SIPA1L1: variants seen among roughly 807,000 people sequenced by gnomAD.
SIPA1L1 encodes the protein signal induced proliferation associated 1 like 1, also known as signal-induced proliferation-associated 1-like protein 1.
SIPA1L1 carries 26 observed loss-of-function variants against 162.7 expected under a neutral mutation model. The ratio of observed to expected loss-of-function variants is 0.16; its 90% CI spans 0.12 to 0.22. SIPA1L1 has a LOEUF of 0.22. SIPA1L1 is among the 10% of genes least tolerant of loss of function. The probability of loss-of-function intolerance (pLI) is 1.00; values close to 1 mark genes in which losing one functional copy is unlikely to be tolerated. For missense variants in SIPA1L1, 1,874 were observed against 2,241.0 expected (o/e 0.84, Z 3.31); for synonymous variants, 829 against 837.4 (o/e 0.99, Z 0.17).
chr14:71,548,189 A>T (rs2055423874), intron 4 of SIPA1L1, among the ~76,000 whole-genome samples: 1 of 152,236 alleles, frequency 6.6e-6, no homozygotes, highest in African/African-American at 2.4e-5. Flanking sequence ...AAATTGAATT[A>T]TGTATTTCTT....
At chr14:71,457,994 C>CT (rs2046314377) in intron 2 of SIPA1L1, among the ~76,000 whole-genome samples, 1 of 152,092 alleles carries the variant, frequency 6.6e-6, no homozygotes, top group Admixed American at 6.6e-5. Context: ...CAGTTTGTGG[C>CT]TTGCCTATTG....
chr14:71,591,326 T>G (rs1247016284), intron 5 of SIPA1L1, among the ~76,000 whole-genome samples: 1 of 151,866 alleles, frequency 6.6e-6, no homozygotes, highest in African/African-American at 2.4e-5. Flanking sequence ...GTGATAAGAC[T>G]CTCATGGAGC....
chr14:71,426,296 C>T (rs1483862817), intron 2 of SIPA1L1, among the ~76,000 whole-genome samples: 1 of 151,838 alleles, frequency 6.6e-6, no homozygotes, highest in African/African-American at 2.4e-5. Flanking sequence ...TTTCTACATG[C>T]CTTGTAGCTT....
At chr14:71,363,248 A>G (rs1337949745) in intron 2 of SIPA1L1, among the ~76,000 whole-genome samples, 1 of 152,218 alleles carries the variant, frequency 6.6e-6, no homozygotes, top group Non-Finnish European at 1.5e-5. Flanking sequence ...CCAAAGTACT[A>G]TAATAGTTCT....
At chr14:71,401,045 G>T (rs2041632541) in intron 2 of SIPA1L1, 1 of 152,206 alleles carries the variant, frequency 6.6e-6, no homozygotes, top group Non-Finnish European at 1.5e-5. Context: ...TAGTGAGCAT[G>T]ATATGGGGTC....
intron 4 of SIPA1L1, among the ~76,000 whole-genome samples, chr14:71,547,455 G>A (rs533217438): frequency 3.0e-4 from 46 of 151,590 alleles, no homozygotes; most frequent in African/African-American, 9.0e-4. Flanking sequence ...CACTACACCC[G>A]GCTAATTTTT....
At chr14:71,379,655 C>CT (rs1420974914) in intron 2 of SIPA1L1, 10 of 152,346 alleles carry the variant, frequency 6.6e-5, no homozygotes, top group African/African-American at 2.4e-4. Context: ...ATATAAAACA[C>CT]TAATTCAGTG....
chr14:71,519,957 A>G (rs1408225829), intron 3 of SIPA1L1, among the ~76,000 whole-genome samples: 2 of 152,062 alleles, frequency 1.3e-5, no homozygotes, highest in African/African-American at 2.4e-5. Flanking sequence ...TGAATAAATG[A>G]TTAGCTGGTT....
intron 2 of SIPA1L1, among the ~76,000 whole-genome samples, chr14:71,434,778 C>T (rs1488943555): frequency 6.6e-6 from 1 of 152,092 alleles, no homozygotes; most frequent in East Asian, 1.9e-4. Flanking sequence ...AGAGTCTCTC[C>T]CTATGTTGTC....
chr14:71,687,190 C>T (rs1214909903), intron 13 of SIPA1L1, among the ~76,000 whole-genome samples: 2 of 152,200 alleles, frequency 1.3e-5, no homozygotes, highest in Non-Finnish European at 2.9e-5. Context: ...TCCTGGAGAT[C>T]TGTTTACAGA....
At chr14:71,618,476 G>A (rs985955502) in intron 5 of SIPA1L1, among the ~76,000 whole-genome samples, 1 of 152,186 alleles carries the variant, frequency 6.6e-6, no homozygotes, top group African/African-American at 2.4e-5. Context: ...GTGGGAGATA[G>A]GGAGAAAATA....
At chr14:71,399,851 GCTGGTATTACAGGTGTATAC>G (rs1309688113) in intron 2 of SIPA1L1, among the ~76,000 whole-genome samples, 1 of 152,064 alleles carries the variant, frequency 6.6e-6, no homozygotes, top group Non-Finnish European at 1.5e-5. Context: ...CTCCCGAGTA[GCTGGTATTACAGGTGTATAC>G]CATGACACCT....
intron 7 of SIPA1L1, among the ~76,000 whole-genome samples, chr14:71,628,370 A>G (rs1421351005): frequency 6.6e-6 from 1 of 152,244 alleles, no homozygotes; most frequent in African/African-American, 2.4e-5. Flanking sequence ...AGTGCTGAGC[A>G]TGTGATAAAA....
chr14:71,391,797 A>G (rs4902931), intron 2 of SIPA1L1, among the ~76,000 whole-genome samples: 133,721 of 152,190 alleles, frequency 0.88, 59,147 homozygotes, highest in African/African-American at 0.94. Flanking sequence ...GAATTCAAGT[A>G]ATGCCAGGTT....
At chr14:71,649,189 ATTTTTTT>A (rs576399247) in intron 7 of SIPA1L1, among the ~76,000 whole-genome samples, 13 of 131,140 alleles carry the variant, frequency 9.9e-5, no homozygotes, top group African/African-American at 2.9e-4. Context: ...TCAAAGTCCA[ATTTTTTT>A]TTTTTTTTTT....
intron 2 of SIPA1L1, among the ~76,000 whole-genome samples, chr14:71,467,422 C>T (rs112403755): frequency 0.018 from 2,685 of 152,278 alleles, 31 homozygotes; most frequent in African/African-American, 0.026. Flanking sequence ...CATAAAATAG[C>T]TAATTTTGTC....
intron 2 of SIPA1L1, among the ~76,000 whole-genome samples, chr14:71,484,901 G>A (rs1244300996): frequency 6.6e-6 from 1 of 152,188 alleles, no homozygotes; most frequent in Non-Finnish European, 1.5e-5. Flanking sequence ...CAAAACCTAT[G>A]CTTAGAGTTA....
intron 2 of SIPA1L1, among the ~76,000 whole-genome samples, chr14:71,488,954 C>G (rs1218833266): frequency 2.0e-5 from 3 of 152,202 alleles, no homozygotes; most frequent in African/African-American, 7.2e-5. Context: ...AAATTCCAGG[C>G]TCCTCAGCTG....
intron 2 of SIPA1L1, among the ~76,000 whole-genome samples, chr14:71,501,613 A>C (rs2050221401): frequency 6.6e-6 from 1 of 152,160 alleles, no homozygotes; most frequent in Admixed American, 6.5e-5. Flanking sequence ...AGGTGTTGGT[A>C]ATGTTCTCTT....
Sources: gnomAD v4.1 joint callset for allele counts (sites outside exome capture counted in the v4.1 genomes callset) on GRCh38, gnomAD v4.1.1 for gene constraint, MANE v1.5 for transcripts, NCBI Gene and HGNC (gene_info 2026-07-23, HGNC 2026-07-21) for gene names.